Variants in CTNND2 observed in about 807,000 individuals in gnomAD.
The protein encoded by CTNND2 is catenin delta-2.
A neutral mutation model predicts 144.4 loss-of-function variants in CTNND2; 22 were observed. The ratio of observed to expected loss-of-function variants is 0.15; its 90% CI spans 0.11 to 0.22. The LOEUF is 0.22. Among genes scored for constraint, CTNND2 ranks in the 10% least tolerant of loss-of-function variants. The pLI is 1.00. For missense variants in CTNND2, 1,353 were observed against 1,618.8 expected (o/e 0.84, Z 2.82); for synonymous variants, 751 against 695.6 (o/e 1.08, Z -1.25).
intron 9 of CTNND2, among the ~76,000 whole-genome samples, chr5:11,332,310 C>G (rs1239827083): frequency 6.6e-6 from 1 of 151,290 alleles, no homozygotes; most frequent in East Asian, 1.9e-4. Context: ...TTTCGAGCTT[C>G]CTACATGGTA....
intron 10 of CTNND2, among the ~76,000 whole-genome samples, chr5:11,218,182 C>A (rs1739403940): frequency 1.3e-5 from 2 of 152,042 alleles, no homozygotes; most frequent in South Asian, 2.1e-4. Context: ...AGGAGTTGTA[C>A]CAAGTGTTAT....
intron 2 of CTNND2, among the ~76,000 whole-genome samples, chr5:11,722,923 C>A (rs972250448): frequency 6.6e-6 from 1 of 152,144 alleles, no homozygotes; most frequent in East Asian, 1.9e-4. Context: ...ACTTCAAAAT[C>A]TGTAATGATT....
intron 3 of CTNND2, among the ~76,000 whole-genome samples, chr5:11,476,878 T>C (rs1188501777): frequency 6.6e-6 from 1 of 152,230 alleles, no homozygotes; most frequent in East Asian, 1.9e-4. Flanking sequence ...TCCAATTTAT[T>C]TGTAATATTG....
At position 11,292,980 on chromosome 5, in the gene CTNND2, T is replaced by C. The variant is rs182501796; in HGVS notation, c.1628+53392A>G. 1.6e-4 allele frequency among the ~76,000 whole-genome samples: 24 copies of C among 152,296 alleles called. 1 individual carries two copies. The highest frequency in any genetic ancestry group is 1.4e-3 in the Admixed American group (22 of 15,300). On this transcript the variant is annotated intron_variant, in intron 9 of 21. Coordinates refer to ENST00000304623, the MANE Select transcript of CTNND2 (RefSeq NM_001332.4). ...TCCTTTGGAAGCCCTTAGAAACTCA[T>C]ACACCAAGCATCAGCCAATGTGCTA...
intron 11 of CTNND2, among the ~76,000 whole-genome samples, chr5:11,171,322 C>G (rs1006752404): frequency 2.0e-5 from 3 of 152,134 alleles, no homozygotes; most frequent in African/African-American, 7.2e-5. Flanking sequence ...TAAACACAGG[C>G]TCTCACACTT....
intron 2 of CTNND2, among the ~76,000 whole-genome samples, chr5:11,620,448 C>T (rs1780775427): frequency 6.6e-6 from 1 of 152,174 alleles, no homozygotes; most frequent in South Asian, 2.1e-4. Context: ...ATTATTCAAA[C>T]TATCCAAACC....
chr5:11,842,817 A>G (rs1794541009), intron 1 of CTNND2, among the ~76,000 whole-genome samples: 5 of 152,162 alleles, frequency 3.3e-5, no homozygotes, highest in Admixed American at 3.3e-4. Flanking sequence ...ACACATTATT[A>G]AATTTAATTT....
intron 1 of CTNND2, among the ~76,000 whole-genome samples, chr5:11,869,302 G>A (rs1795917523): frequency 6.6e-6 from 1 of 152,204 alleles, no homozygotes; most frequent in South Asian, 2.1e-4. Flanking sequence ...ATTCACAATT[G>A]CCAAAAGGTG....
chr5:11,270,833 C>T (rs1315136519), intron 9 of CTNND2, among the ~76,000 whole-genome samples: 2 of 152,116 alleles, frequency 1.3e-5, no homozygotes, highest in Admixed American at 1.3e-4. Context: ...ATAGAAAAAG[C>T]TAACCAAATA....
At position 10,973,973 on chromosome 5, in the gene CTNND2, G is replaced by A. The variant is rs1736127265; in HGVS notation, c.3418-260C>T. Among the ~76,000 whole-genome samples, 2 of 152,222 alleles carry A rather than the reference G, an allele frequency of 1.3e-5. No homozygotes were observed. The highest frequency in any genetic ancestry group is 1.3e-4 in the Admixed American group (2 of 15,288). On this transcript the variant is annotated intron_variant, in intron 21 of 21. Transcript: ENST00000304623. The surrounding 1 kb of genome is among the most constrained non-coding windows in gnomAD (Gnocchi z 5.6). ...CATAAAACAGCTTGCTTTAAGAAAT[G>A]TTGAAGTGTAAGATTAATTAGGTGG...
chr5:11,578,471 G>C (rs1434508045), intron 2 of CTNND2, among the ~76,000 whole-genome samples: 1 of 151,974 alleles, frequency 6.6e-6, no homozygotes, highest in Non-Finnish European at 1.5e-5. Flanking sequence ...GGCCAGCCTG[G>C]TCAGCATGGT....
At chr5:11,381,659 C>A (rs982228490) in intron 7 of CTNND2, among the ~76,000 whole-genome samples, 2 of 152,184 alleles carry the variant, frequency 1.3e-5, no homozygotes, top group African/African-American at 4.8e-5. Context: ...AATGGCATCA[C>A]TGGAATCTAA....
chr5:11,724,167 C>G (rs1244139261), intron 2 of CTNND2, among the ~76,000 whole-genome samples: 1 of 148,528 alleles, frequency 6.7e-6, no homozygotes, highest in African/African-American at 2.4e-5. Flanking sequence ...CTATAGTTAA[C>G]TATTGAAAGG....
At chr5:11,280,659 T>C (rs1203694531) in intron 9 of CTNND2, among the ~76,000 whole-genome samples, 1 of 152,216 alleles carries the variant, frequency 6.6e-6, no homozygotes, top group African/African-American at 2.4e-5. Flanking sequence ...ATATACATTT[T>C]TTGGAAGGGA....
intron 1 of CTNND2, among the ~76,000 whole-genome samples, chr5:11,836,976 T>C (rs1259069291): frequency 1.3e-5 from 2 of 152,160 alleles, no homozygotes; most frequent in African/African-American, 2.4e-5. Flanking sequence ...GTAAAGGGAA[T>C]TGCCATAGAG....
intron 1 of CTNND2, among the ~76,000 whole-genome samples, chr5:11,783,172 T>C (rs1173120580): frequency 2.0e-5 from 3 of 152,142 alleles, no homozygotes; most frequent in Non-Finnish European, 1.5e-5. Context: ...CCAGTCACCC[T>C]AAGGAGAGAT....
intron 3 of CTNND2, among the ~76,000 whole-genome samples, chr5:11,520,479 G>C (rs951213328): frequency 6.6e-6 from 1 of 152,246 alleles, no homozygotes; most frequent in Non-Finnish European, 1.5e-5. Flanking sequence ...TGGGGGCAGA[G>C]TGAGGTGCGT....
chr5:11,388,914 A>G (rs956136595), intron 6 of CTNND2, among the ~76,000 whole-genome samples: 1 of 152,238 alleles, frequency 6.6e-6, no homozygotes, highest in Non-Finnish European at 1.5e-5. Context: ...TTAGAATTCA[A>G]GTAAAGTTTC....
intron 9 of CTNND2, among the ~76,000 whole-genome samples, chr5:11,288,974 T>C (rs1748033670): frequency 6.6e-6 from 1 of 152,130 alleles, no homozygotes; most frequent in Non-Finnish European, 1.5e-5. Context: ...AGAGCACATG[T>C]GGACATTTCA....
Sources: allele counts gnomAD v4.1 joint callset (sites outside exome capture counted in the v4.1 genomes callset), GRCh38; gene constraint gnomAD v4.1.1; non-coding constraint Gnocchi (gnomAD v3.1); transcripts MANE v1.5; gene names NCBI Gene and HGNC (gene_info 2026-07-23, HGNC 2026-07-21).